Variants in MAP2K5 observed in about 807,000 individuals in gnomAD.
MAP2K5 encodes the protein mitogen-activated protein kinase kinase 5.
A neutral mutation model predicts 83.1 loss-of-function variants in MAP2K5; 49 were observed. The ratio of observed to expected loss-of-function variants is 0.59; its 90% confidence interval spans 0.47 to 0.75. MAP2K5 has a LOEUF of 0.75. Ranked by LOEUF, MAP2K5 falls within the 30% of genes least tolerant of loss-of-function variation. The probability of loss-of-function intolerance (pLI) is 0.00; values close to 1 mark genes in which losing one functional copy is unlikely to be tolerated. For missense variants in MAP2K5, 457 were observed against 557.5 expected (o/e 0.82, Z 1.82); for synonymous variants, 202 against 191.8 (o/e 1.05, Z -0.44).
rs774123231 is a variant in MAP2K5 at position 67,664,697 on chromosome 15, C to A, written c.847+52C>A. 10 of 1,142,974 alleles carry A rather than the reference C, an allele frequency of 8.7e-6. No individual in the cohort carries two copies. In the South Asian group the frequency reaches 1.3e-4, roughly 15 times the overall value. 70.8% of individuals were successfully genotyped at this position (1,142,974 alleles called of 1,614,324 possible). ...TTTAATTTGGGGTGGGGTTGGGTCT[C>A]TCCAGATACCTTGATTTTTAAAGTA... On this transcript the variant is annotated intron_variant, in intron 13 of 21. Coordinates refer to ENST00000178640, the MANE Select transcript of MAP2K5 (RefSeq NM_145160.3).
In MAP2K5 at chr15:67,639,288, C is replaced by G. The variant is rs535007610; in HGVS notation, c.586-6943C>G. Among the ~76,000 whole-genome samples the G allele has an allele frequency of 2.0e-5, 3 of 152,300 alleles. No individual in the cohort carries two copies. In the East Asian group the frequency reaches 5.8e-4, roughly 29 times the overall value. The stretch of plus-strand genomic sequence containing the variant: ...CCACTCTAATCCAGATGCTTGGCTT[C>G]TTTCTTGTCAGACATGTATACCAGC... On this transcript the variant is annotated intron_variant, in intron 9 of 21. Coordinates refer to ENST00000178640, the MANE Select transcript of MAP2K5 (RefSeq NM_145160.3).
intron 4 of MAP2K5, 35 bp from the exon 5 acceptor site, chr15:67,585,855 G>A (rs769315879): frequency 3.1e-5 from 50 of 1,598,382 alleles, no homozygotes; most frequent in Middle Eastern, 1.7e-4. Flanking sequence ...AAATGGCCCT[G>A]ATGTGTTCTA....
Position 67,690,308 on chromosome 15 carries a change from C to G in MAP2K5, c.848-2171C>G, listed in dbSNP as rs1470959967. Reference sequence around the variant, plus strand: ...TGGCTATGATGTGTTGTGCTAACTACTGGGGCACACTTGAAAGCACAACCC... The same window carrying G: ...TGGCTATGATGTGTTGTGCTAACTAGTGGGGCACACTTGAAAGCACAACCC... On this transcript the variant is annotated intron_variant, in intron 13 of 21. Coordinates refer to ENST00000178640, the MANE Select transcript of MAP2K5 (RefSeq NM_145160.3). The surrounding 1 kb of genome is among the most constrained non-coding windows in gnomAD (Gnocchi z 4.3). Among the ~76,000 whole-genome samples the G allele has an allele frequency of 6.6e-6, 1 of 152,130 alleles. No individual in the cohort carries two copies. The highest frequency in any genetic ancestry group is 1.9e-4 in the East Asian group (1 of 5,204).
Position 67,806,868 on chromosome 15 carries a change from C to A in MAP2K5, c.*118C>A, listed in dbSNP as rs749139460. On this transcript the variant is annotated 3_prime_UTR_variant, in exon 22 of 22. Transcript: ENST00000178640. ...CTTTGCTGGGCCCTGGCTTCCCTGC[C>A]CTCGCCTTCACCTCTGTCAGCAGGT... The A allele has an allele frequency of 3.8e-6, 6 of 1,595,392 alleles. No homozygotes were observed. Among genetic ancestry groups the A allele is most frequent in the South Asian group, 1.1e-5 (1 of 90,218 alleles).
chr15:67,598,828 A>G (rs1442032700), intron 7 of MAP2K5, among the ~76,000 whole-genome samples: 1 of 152,184 alleles, frequency 6.6e-6, no homozygotes, highest in African/African-American at 2.4e-5. Context: ...AGTGCCACAA[A>G]TGCAGAATTT....
intron 11 of MAP2K5, among the ~76,000 whole-genome samples, chr15:67,646,681 T>C (rs1469590807): frequency 6.6e-6 from 1 of 152,208 alleles, no homozygotes; most frequent in Non-Finnish European, 1.5e-5. Context: ...AACTTCACTT[T>C]TATTGAAAAT....
chr15:67,772,273 C>G (rs1055010092), intron 20 of MAP2K5, among the ~76,000 whole-genome samples: 1 of 151,966 alleles, frequency 6.6e-6, no homozygotes, highest in Non-Finnish European at 1.5e-5. Context: ...TCATTTGACT[C>G]TACAGTCATG....
chr15:67,751,104 G>A (rs1228734904), intron 19 of MAP2K5, among the ~76,000 whole-genome samples: 1 of 152,114 alleles, frequency 6.6e-6, no homozygotes, highest in Non-Finnish European at 1.5e-5. Flanking sequence ...AATGGCCAAA[G>A]ATGAATGTTA....
At chr15:67,761,459 A>G (rs758198030) in intron 19 of MAP2K5, among the ~76,000 whole-genome samples, 94 of 152,360 alleles carry the variant, frequency 6.2e-4, no homozygotes, top group Non-Finnish European at 1.2e-3. Context: ...AATAAAGCCA[A>G]CACTCATACA....
At chr15:67,727,728 C>G (rs2089131052) in intron 16 of MAP2K5, among the ~76,000 whole-genome samples, 188 bp from the exon 17 acceptor site, 1 of 152,150 alleles carries the variant, frequency 6.6e-6, no homozygotes, top group South Asian at 2.1e-4. Flanking sequence ...GCAACATCGT[C>G]CATTGAAAAT....
At chr15:67,625,662 C>T (rs2086300530) in intron 8 of MAP2K5, among the ~76,000 whole-genome samples, 1 of 152,236 alleles carries the variant, frequency 6.6e-6, no homozygotes, top group Admixed American at 6.5e-5. Flanking sequence ...AAGGGACACA[C>T]TCGACTCATG....
chr15:67,748,605 A>G lies in MAP2K5; in HGVS notation c.1134+4A>G, dbSNP rs2089655375. On this transcript the variant is annotated splice_donor_region_variant and intron_variant, in intron 19 of 21. Coordinates refer to ENST00000178640, the MANE Select transcript of MAP2K5 (RefSeq NM_145160.3). The surrounding 1 kb of genome is among the most constrained non-coding windows in gnomAD (Gnocchi z 4.0). ...TCTGCAGTGCATTGTTGATGAGGTG[A>G]GGCATCGTCTTATGTGCTTTCACTC... 3.7e-6 allele frequency: 6 copies of G among 1,613,742 alleles called. No homozygotes were observed. The highest frequency in any genetic ancestry group is 5.1e-6 in the Non-Finnish European group (6 of 1,179,736).
rs1380007565 is a variant in MAP2K5 at position 67,640,997 on chromosome 15, G to T, written c.586-5234G>T. Among the ~76,000 whole-genome samples, 5 of 152,140 alleles carry T rather than the reference G, an allele frequency of 3.3e-5. No individual in the cohort carries two copies. The highest frequency in any genetic ancestry group is 5.9e-5 in the Non-Finnish European group (4 of 68,012). On this transcript the variant is annotated intron_variant, in intron 9 of 21. Transcript: ENST00000178640. The surrounding 1 kb of genome is among the most constrained non-coding windows in gnomAD (Gnocchi z 4.6). ...CGTGTTTCTACCTTTTTGTCTGTTTGTTTGGTGCAGGTAGTCAAGACAATT... is the reference window on the plus strand; with the variant it reads ...CGTGTTTCTACCTTTTTGTCTGTTTTTTTGGTGCAGGTAGTCAAGACAATT...
chr15:67,679,467 A>AT (rs974717123), intron 13 of MAP2K5, among the ~76,000 whole-genome samples: 50 of 152,112 alleles, frequency 3.3e-4, no homozygotes, highest in African/African-American at 1.2e-3. Flanking sequence ...GGTGGACCAA[A>AT]TTTTTCATGT....
Position 67,782,410 on chromosome 15 carries a change from C to T in MAP2K5, c.1242+9658C>T, listed in dbSNP as rs1334482090. Reference sequence around the variant, plus strand: ...TTTTGGGGGATTGATTTGAGGGCACCGAGGAATCGATTTTTGTCTTGTTTA... The same window carrying T: ...TTTTGGGGGATTGATTTGAGGGCACTGAGGAATCGATTTTTGTCTTGTTTA... On this transcript the variant is annotated intron_variant, in intron 21 of 21. Transcript: ENST00000178640. The surrounding 1 kb of genome is among the most constrained non-coding windows in gnomAD (Gnocchi z 4.9). Among the ~76,000 whole-genome samples, 1 of 152,142 alleles carries T rather than the reference C, an allele frequency of 6.6e-6. No individual in the cohort carries two copies.
intron 13 of MAP2K5, among the ~76,000 whole-genome samples, chr15:67,689,984 G>A (rs2141198018): frequency 6.6e-6 from 1 of 152,298 alleles, no homozygotes; most frequent in Admixed American, 6.5e-5. Context: ...GCGCAAATTT[G>A]TAAACTTTGT....
At chr15:67,804,069 G>A (rs983295093) in intron 21 of MAP2K5, among the ~76,000 whole-genome samples, 7 of 152,128 alleles carry the variant, frequency 4.6e-5, no homozygotes, top group Admixed American at 6.5e-5. Context: ...TCCTGTGACC[G>A]TGTGGACCCT....
intron 8 of MAP2K5, among the ~76,000 whole-genome samples, chr15:67,620,930 G>A (rs1221202493): frequency 6.6e-6 from 1 of 152,034 alleles, no homozygotes; most frequent in African/African-American, 2.4e-5. Context: ...AAATGAATTA[G>A]GTGGTAGAAA....
At chr15:67,788,219 G>GGC (rs2141327791) in intron 21 of MAP2K5, among the ~76,000 whole-genome samples, 1 of 152,304 alleles carries the variant, frequency 6.6e-6, no homozygotes, top group South Asian at 2.1e-4. Flanking sequence ...CTTAAACAAT[G>GGC]TATAGCTCTG....
Sources: gnomAD v4.1 joint callset for allele counts (sites outside exome capture counted in the v4.1 genomes callset) on GRCh38, gnomAD v4.1.1 for gene constraint, Gnocchi (gnomAD v3.1) non-coding constraint, MANE v1.5 for transcripts, NCBI Gene and HGNC (gene_info 2026-07-23, HGNC 2026-07-21) for gene names.